DNAJC17: variants seen among roughly 807,000 people sequenced by gnomAD.
DNAJC17 encodes the protein dnaJ homolog subfamily C member 17.
A neutral mutation model predicts 48.1 loss-of-function variants in DNAJC17; 35 were observed. The observed-to-expected ratio is 0.73, with a 90% CI of 0.56 to 0.96. The LOEUF (loss-of-function observed/expected upper bound fraction) is 0.96, where lower values mean the gene tolerates loss of function less well. Ranked by LOEUF, DNAJC17 falls within the 50% of genes least tolerant of loss-of-function variation. The probability of loss-of-function intolerance (pLI) is 0.00; values close to 1 mark genes in which losing one functional copy is unlikely to be tolerated. For synonymous variants in DNAJC17, 117 were observed against 142.7 expected (o/e 0.82, Z 1.28); for missense variants, 355 against 377.1 (o/e 0.94, Z 0.48).
intron 4 of DNAJC17, among the ~76,000 whole-genome samples, chr15:40,778,382 A>C (rs1889387839): frequency 6.6e-6 from 1 of 152,060 alleles, no homozygotes; most frequent in African/African-American, 2.4e-5. Flanking sequence ...CTTCTCGAGT[A>C]GTTGGGATTA....
chr15:40,801,136 A>C (rs1890063903), intron 1 of DNAJC17, among the ~76,000 whole-genome samples: 1 of 152,156 alleles, frequency 6.6e-6, no homozygotes, highest in South Asian at 2.1e-4. Flanking sequence ...TTCATTCAAC[A>C]AATACTTATT....
At chr15:40,789,049 C>A (rs1209714138) in intron 1 of DNAJC17, among the ~76,000 whole-genome samples, 1 of 152,196 alleles carries the variant, frequency 6.6e-6, no homozygotes, top group Non-Finnish European at 1.5e-5. Context: ...CAACCCCAGA[C>A]AGCCCCCTCA....
chr15:40,778,986 A>T (rs1889405019), intron 4 of DNAJC17: 1 of 538,064 alleles, frequency 1.9e-6, no homozygotes, highest in East Asian at 3.6e-5. Flanking sequence ...TTGTATAGTT[A>T]TGATAATTAA....
chr15:40,783,611 C>A lies in DNAJC17; in HGVS notation c.79-3614G>T, dbSNP rs575175049. Among the ~76,000 whole-genome samples, 7 of 152,316 alleles carry A rather than the reference C, an allele frequency of 4.6e-5. 1 individual carries two copies. Among genetic ancestry groups the A allele is most frequent in the Admixed American group, 4.6e-4 (7 of 15,290 alleles). On this transcript the variant is annotated intron_variant, in intron 1 of 10. Coordinates refer to ENST00000220496, the MANE Select transcript of DNAJC17 (RefSeq NM_018163.3). ...GGGCATGGTGGCTCACACCTCTAAT[C>A]CCATCGCTGTGGGAGGCCGAGGTGG...
Position 40,773,861 on chromosome 15 carries a change from T to G in DNAJC17, c.682-24A>C, listed in dbSNP as rs188006552. On this transcript the variant is annotated intron_variant, in intron 9 of 10. Coordinates refer to ENST00000220496, the MANE Select transcript of DNAJC17 (RefSeq NM_018163.3). ...TCCTGCCAAACACAGCATCTAGTCCTGTCCCATCCGTTGAGTCAGCTATAA... is the reference window on the plus strand; with the variant it reads ...TCCTGCCAAACACAGCATCTAGTCCGGTCCCATCCGTTGAGTCAGCTATAA... 5 of 1,601,732 alleles carry G rather than the reference T, an allele frequency of 3.1e-6. No homozygotes were observed. The Admixed American group carries it at 8.5e-5, about 27-fold the overall frequency.
chr15:40,771,858 C>T (rs1889150974), intron 10 of DNAJC17: 1 of 167,094 alleles, frequency 6.0e-6, no homozygotes. Flanking sequence ...TAGAGTATAA[C>T]TCAGGAAAAA....
intron 1 of DNAJC17, among the ~76,000 whole-genome samples, chr15:40,793,203 C>T (rs1313973085): frequency 6.6e-6 from 1 of 152,108 alleles, no homozygotes; most frequent in African/African-American, 2.4e-5. Flanking sequence ...ATGAAGATCC[C>T]TTCTAACTGC....
chr15:40,798,683 C>T (rs1360958392), intron 1 of DNAJC17, among the ~76,000 whole-genome samples: 1 of 152,086 alleles, frequency 6.6e-6, no homozygotes, highest in African/African-American at 2.4e-5. Flanking sequence ...AGAGAAGCCA[C>T]TGGGAGTTGT....
rs1342725858 is a variant in DNAJC17 at position 40,765,525 on chromosome 15, C to CTCCTCCCACCTCAAGCGA, written c.*2397_*2414dup. ...AATCATGGCTCACTGCAGCCTCAAA[C>CTCCTCCCACCTCAAGCGA]TCCTCCCACCTCAAGCGATCCTCCC... On this transcript the variant is annotated 3_prime_UTR_variant, in exon 11 of 11. Coordinates refer to ENST00000220496, the MANE Select transcript of DNAJC17 (RefSeq NM_018163.3). 1 of 219,852 alleles carries CTCCTCCCACCTCAAGCGA rather than the reference C, an allele frequency of 4.5e-6. No homozygotes were observed. The allele number at this position is 219,852 out of a possible 1,614,324, so 13.6% of individuals were successfully genotyped here. A position where few individuals can be genotyped will look rare whatever the true frequency, so the allele number is the denominator to read the frequency against.
At chr15:40,780,463 C>A in intron 1 of DNAJC17, 1 of 393,846 alleles carries the variant, frequency 2.5e-6, no homozygotes, top group Non-Finnish European at 5.1e-6. Context: ...AGGATGCTCT[C>A]TACAACACTG....
chr15:40,776,703 C>T, intron 4 of DNAJC17, 76 bp from the exon 5 acceptor site: 2 of 1,471,816 alleles, frequency 1.4e-6, no homozygotes, highest in South Asian at 1.1e-5. Flanking sequence ...CCAGCTCTGG[C>T]TGCCTCCCCA....
chr15:40,788,794 G>A (rs547592981), intron 1 of DNAJC17, among the ~76,000 whole-genome samples: 11 of 152,238 alleles, frequency 7.2e-5, no homozygotes, highest in African/African-American at 2.6e-4. Context: ...GATTATTTGA[G>A]TCCACGAGTT....
intron 1 of DNAJC17, among the ~76,000 whole-genome samples, chr15:40,801,217 A>T (rs1279999196): frequency 6.6e-6 from 1 of 152,222 alleles, no homozygotes; most frequent in Non-Finnish European, 1.5e-5. Context: ...TCTGGTCCTC[A>T]GAAGTAGGAG....
In DNAJC17 at chr15:40,769,427, G is replaced by A. The variant is rs879925856; in HGVS notation, c.793-1365C>T. ...AGCCAGGCTGATGGCAGGCCAAGAG[G>A]AGGCCACATCTCCCATCCCCAGGTT... On this transcript the variant is annotated intron_variant, in intron 10 of 10. Coordinates refer to ENST00000220496, the MANE Select transcript of DNAJC17 (RefSeq NM_018163.3). This position sits in a 1 kb window ranked among gnomAD's most constrained non-coding sequence, Gnocchi z 4.2. Among the ~76,000 whole-genome samples, 1 of 152,248 alleles carries A rather than the reference G, an allele frequency of 6.6e-6. No individual in the cohort carries two copies. The highest frequency in any genetic ancestry group is 1.5e-5 in the Non-Finnish European group (1 of 68,040).
intron 1 of DNAJC17, among the ~76,000 whole-genome samples, chr15:40,801,832 C>T (rs1890084470): frequency 6.6e-6 from 1 of 151,828 alleles, no homozygotes; most frequent in Non-Finnish European, 1.5e-5. Flanking sequence ...CAAGATCATT[C>T]CATTTTCTGT....
At chr15:40,774,141 C>A (rs1483941217) in intron 9 of DNAJC17, 4 of 617,988 alleles carry the variant, frequency 6.5e-6, no homozygotes, top group Non-Finnish European at 1.1e-5. Flanking sequence ...CAAGTCTGTG[C>A]TCTCCTTTCT....
intron 8 of DNAJC17, 38 bp from the exon 9 acceptor site, chr15:40,774,474 C>G: frequency 6.2e-7 from 1 of 1,610,486 alleles, no homozygotes; most frequent in Non-Finnish European, 8.5e-7. Context: ...CATGACTTGG[C>G]CTTCAGGATG....
chr15:40,775,910 C>T (rs1453128706), intron 6 of DNAJC17, among the ~76,000 whole-genome samples: 1 of 152,148 alleles, frequency 6.6e-6, no homozygotes, highest in Non-Finnish European at 1.5e-5. Flanking sequence ...CAAAGTGTCC[C>T]AGGGCCCCTC....
chr15:40,793,114 C>T (rs1230876824), intron 1 of DNAJC17, among the ~76,000 whole-genome samples: 1 of 151,876 alleles, frequency 6.6e-6, no homozygotes, highest in Non-Finnish European at 1.5e-5. Flanking sequence ...AGGATGGTCT[C>T]GATCTCCTGA....
Sources: gnomAD v4.1 joint callset for allele counts (sites outside exome capture counted in the v4.1 genomes callset) on GRCh38, gnomAD v4.1.1 for gene constraint, Gnocchi (gnomAD v3.1) non-coding constraint, MANE v1.5 for transcripts, NCBI Gene and HGNC (gene_info 2026-07-23, HGNC 2026-07-21) for gene names.